SYNE1: variants seen among roughly 807,000 people sequenced by gnomAD.
SYNE1 encodes spectrin repeat containing nuclear envelope protein 1.
A neutral mutation model predicts 1,111.0 loss-of-function variants in SYNE1; 616 were observed. The ratio of observed to expected loss-of-function variants is 0.55; its 90% CI spans 0.52 to 0.59. The LOEUF (loss-of-function observed/expected upper bound fraction) is 0.59. SYNE1 is among the 20% of genes least tolerant of loss of function. SYNE1 has a pLI of 0.00. For synonymous variants in SYNE1, 3,855 were observed against 3,825.8 expected, an observed-to-expected ratio of 1.01 and a Z score of -0.28; for missense variants, 10,006 against 10,417.0, an observed-to-expected ratio of 0.96 and a Z score of 1.72.
intron 58 of SYNE1, among the ~76,000 whole-genome samples, chr6:152,375,801 G>A (rs529478479): frequency 1.3e-5 from 2 of 152,218 alleles, no homozygotes; most frequent in South Asian, 2.1e-4. Context: ...TAGAAAAAAC[G>A]TTTTATTATT....
intron 14 of SYNE1, among the ~76,000 whole-genome samples, chr6:152,475,949 T>C (rs1008349663): frequency 6.6e-6 from 1 of 152,252 alleles, no homozygotes; most frequent in Non-Finnish European, 1.5e-5. Context: ...CCGTGGCTTC[T>C]AAGACAACAC....
intron 129 of SYNE1, among the ~76,000 whole-genome samples, chr6:152,178,926 T>TC (rs2067169788): frequency 6.7e-6 from 1 of 149,338 alleles, no homozygotes; most frequent in South Asian, 2.2e-4. Context: ...TTTTTTTTTT[T>TC]TTTTTGAGAC....
At chr6:152,249,376 G>A (rs1334059086) in intron 104 of SYNE1, 114 bp from the exon 105 acceptor site, 8 of 743,178 alleles carry the variant, frequency 1.1e-5, no homozygotes, top group Middle Eastern at 2.4e-4. Flanking sequence ...TTAATTTCCA[G>A]GAGAAACAAT....
At position 152,510,223 on chromosome 6, in the gene SYNE1, A is replaced by G. The variant is rs1466752822; in HGVS notation, c.551T>C (p.Leu184Ser). ...AGCTGTGTACTGAACCCACTTTAAT[A>G]AAGCCTTCTTAGCATTTCCTTGGAT... The part of the protein sequence containing the change: ...TKIQGNAKKA[L>S]LKWVQYTAGK... The change falls in exon 8 of 146, where the codon TTA (leucine) becomes TCA (serine). Residue 184 changes from leucine (L) to serine (S), a missense_variant. By Grantham distance (145) the Leu-to-Ser change is moderately radical. Around this residue, in one of 7 missense-constraint regions of SYNE1, gnomAD observed 1,971 missense variants for 2,084.1 expected, o/e 0.95. Coordinates refer to ENST00000367255, the MANE Select transcript of SYNE1 (RefSeq NM_182961.4). 5.0e-6 allele frequency: 8 copies of G among 1,613,730 alleles called. No homozygotes were observed. The highest frequency in any genetic ancestry group is 6.8e-6 in the Non-Finnish European group (8 of 1,179,918).
intron 3 of SYNE1, chr6:152,546,145 C>T (rs1362595347): frequency 1.3e-5 from 2 of 152,090 alleles, no homozygotes; most frequent in Non-Finnish European, 2.9e-5. Flanking sequence ...TCTACAATTA[C>T]TAAAATTACC....
chr6:152,447,298 A>C (rs1384631936), intron 29 of SYNE1, among the ~76,000 whole-genome samples, 160 bp downstream of exon 29: 1 of 152,208 alleles, frequency 6.6e-6, no homozygotes, highest in African/African-American at 2.4e-5. Context: ...CATCCTCTTC[A>C]TCTTTCCCAA....
At chr6:152,339,111 T>C (rs1053333329) in intron 75 of SYNE1, 130 bp downstream of exon 75, 1 of 1,218,134 alleles carries the variant, frequency 8.2e-7, no homozygotes, top group Non-Finnish European at 1.2e-6. Context: ...CTATTTATTA[T>C]AATGGCTGTA....
At chr6:152,474,184 CAA>C (rs11330635) in intron 14 of SYNE1, among the ~76,000 whole-genome samples, 16 of 145,846 alleles carry the variant, frequency 1.1e-4, no homozygotes, top group East Asian at 4.0e-4. Flanking sequence ...GACTCTGTCT[CAA>C]AAAAAAAAAA....
At position 152,534,202 on chromosome 6, in the gene SYNE1, G is replaced by GAATA. The variant is rs140881032; in HGVS notation, c.129+5754_129+5757dup. On this transcript the variant is annotated intron_variant, in intron 4 of 145. Transcript: ENST00000367255. ...TGAATGAATGAATGAATGAATGAAT[G>GAATA]AATAAATAAATAAATAAAATAATAT... 1.8e-3 allele frequency among the ~76,000 whole-genome samples: 263 copies of GAATA among 145,408 alleles called. 1 individual carries two copies. Among genetic ancestry groups the GAATA allele is most frequent in the South Asian group, 3.9e-3 (18 of 4,672 alleles).
rs1023625428 is a variant in SYNE1 at position 152,363,497 on chromosome 6, C to A, written c.10146-1174G>T. ...CGACAGAGCAAGACTCCGTCTCAAA[C>A]TAAATAAATAAATAAATAAATAAAT... On this transcript the variant is annotated intron_variant, in intron 63 of 145. Transcript: ENST00000367255. Among the ~76,000 whole-genome samples, 74 of 144,250 alleles carry A rather than the reference C, an allele frequency of 5.1e-4. 1 individual carries two copies. The highest frequency in any genetic ancestry group is 1.2e-3 in the Admixed American group (17 of 14,564). The allele number at this position is 144,250 out of a possible 152,430, so 94.6% of individuals were successfully genotyped here.
chr6:152,374,834 A>C (rs2097252880), intron 58 of SYNE1, among the ~76,000 whole-genome samples: 1 of 152,112 alleles, frequency 6.6e-6, no homozygotes, highest in South Asian at 2.1e-4. Context: ...TGTTTCTCCA[A>C]TATAGAAAAA....
intron 10 of SYNE1, among the ~76,000 whole-genome samples, chr6:152,500,721 G>T (rs1413263900): frequency 1.3e-5 from 2 of 151,950 alleles, no homozygotes; most frequent in Non-Finnish European, 2.9e-5. Flanking sequence ...AGGCCGAGGT[G>T]AGAGGATCAT....
At chr6:152,339,416 A>G in intron 74 of SYNE1, 50 bp from the exon 75 acceptor site, 2 of 1,606,908 alleles carry the variant, frequency 1.2e-6, no homozygotes, top group South Asian at 1.1e-5. Flanking sequence ...CTATTTAGAT[A>G]GCAAATACTT....
intron 56 of SYNE1, among the ~76,000 whole-genome samples, chr6:152,377,640 A>AAT (rs1369932106): frequency 0.078 from 2,616 of 33,482 alleles, 154 homozygotes; most frequent in East Asian, 0.11. Flanking sequence ...AAAAAAAAAA[A>AAT]ATATATATAT....
At chr6:152,364,226 C>T (rs1021442585) in intron 63 of SYNE1, among the ~76,000 whole-genome samples, 17 of 152,132 alleles carry the variant, frequency 1.1e-4, no homozygotes, top group Admixed American at 1.3e-4. Flanking sequence ...TTTCCTGAGG[C>T]CTCCCCAGCC....
chr6:152,622,211 A>C (rs774191940), intron 3 of SYNE1, among the ~76,000 whole-genome samples: 6 of 152,142 alleles, frequency 3.9e-5, no homozygotes, highest in Non-Finnish European at 7.4e-5. Context: ...AGTTTTTGAC[A>C]CTGTTTTGTG....
intron 124 of SYNE1, among the ~76,000 whole-genome samples, chr6:152,210,078 G>A (rs1391343144): frequency 6.6e-6 from 1 of 152,184 alleles, no homozygotes; most frequent in Non-Finnish European, 1.5e-5. Context: ...ACTGTTCCCT[G>A]TGCTGAACTT....
chr6:152,627,108 ATT>A (rs951740257), intron 3 of SYNE1, among the ~76,000 whole-genome samples: 6 of 152,166 alleles, frequency 3.9e-5, no homozygotes, highest in African/African-American at 1.4e-4. Flanking sequence ...AAATTGGGGT[ATT>A]TTTATACCTT....
intron 63 of SYNE1, among the ~76,000 whole-genome samples, chr6:152,362,972 C>T (rs1334156534): frequency 6.6e-6 from 1 of 151,412 alleles, no homozygotes; most frequent in Non-Finnish European, 1.5e-5. Flanking sequence ...GCTCTGCCTC[C>T]CGGGTTCACG....
Sources: gnomAD v4.1 joint callset for allele counts (sites outside exome capture counted in the v4.1 genomes callset) on GRCh38, gnomAD v4.1.1 for gene constraint, gnomAD v4.1.1 regional missense constraint, MANE v1.5 for transcripts, NCBI Gene and HGNC (gene_info 2026-07-23, HGNC 2026-07-21) for gene names.